Variants in RABL2B observed in about 807,000 individuals in gnomAD.
The protein encoded by RABL2B is RAB, member of RAS oncogene family like 2B, also known as rab-like protein 2B.
Under a neutral mutation model 26.7 loss-of-function variants are expected in RABL2B, and 17 were observed. The ratio of observed to expected loss-of-function variants is 0.64; its 90% CI spans 0.44 to 0.95. The LOEUF is 0.95. RABL2B is among the 40% of genes least tolerant of loss of function. The probability of loss-of-function intolerance (pLI) is 0.00; values close to 1 mark genes in which losing one functional copy is unlikely to be tolerated. For synonymous variants in RABL2B, 70 were observed against 103.9 expected, an observed-to-expected ratio of 0.67 and a Z score of 1.99; for missense variants, 170 against 277.2, an observed-to-expected ratio of 0.61 and a Z score of 2.75.
intron 5 of RABL2B, among the ~76,000 whole-genome samples, chr22:50,773,515 T>C (rs2084502729): frequency 6.6e-6 from 1 of 151,750 alleles, no homozygotes. Context: ...AGACAGTCCA[T>C]GTTGTGGAAG....
chr22:50,783,463 G>A (rs1437012725), intron 1 of RABL2B, 38 bp downstream of exon 1: 1 of 152,098 alleles, frequency 6.6e-6, no homozygotes, highest in Admixed American at 6.5e-5. Flanking sequence ...GGCTGTCCCC[G>A]CGTGCTAAGC....
At chr22:50,771,824 G>A (rs1273223415) in intron 5 of RABL2B, 1 of 151,680 alleles carries the variant, frequency 6.6e-6, no homozygotes, top group African/African-American at 2.4e-5. Flanking sequence ...TAACGAGGCT[G>A]GTCTTGGACT....
At chr22:50,777,166 C>T (rs2085117414) in intron 3 of RABL2B, among the ~76,000 whole-genome samples, 1 of 152,212 alleles carries the variant, frequency 6.6e-6, no homozygotes, top group South Asian at 2.1e-4. Context: ...ACAAGCCATA[C>T]AGCTGACAAG....
Position 50,776,671 on chromosome 22 carries a change from C to G in RABL2B, c.216G>C (p.Val72=), listed in dbSNP as rs2085034242. 6.2e-7 allele frequency: 1 copy of G among 1,607,880 alleles called. No individual in the cohort carries two copies. The highest frequency in any genetic ancestry group is 8.5e-7 in the Non-Finnish European group (1 of 1,177,032). Reference sequence around the variant, plus strand: ...ATGTCTTGGCCCTGTGCCACTTACCCACAAGGATGGTCCTTCCATCTACCG... The same window carrying G: ...ATGTCTTGGCCCTGTGCCACTTACCGACAAGGATGGTCCTTCCATCTACCG... ...TATVDGRTIL[V]DFWDTAGQER... The change falls in exon 4 of 9, where the codon GTG becomes GTC. Residue 72 remains valine (V), a splice_region_variant and synonymous_variant. Coordinates refer to ENST00000691320, the MANE Select transcript of RABL2B (RefSeq NM_001130919.3).
At chr22:50,782,395 C>T in intron 1 of RABL2B, 48 bp from the exon 2 acceptor site, 1 of 1,476,900 alleles carries the variant, frequency 6.8e-7, no homozygotes, top group South Asian at 1.3e-5. Context: ...TAAGTCCCCT[C>T]AACCAAATCT....
At chr22:50,783,170 G>C in intron 1 of RABL2B, 1 of 169,390 alleles carries the variant, frequency 5.9e-6, no homozygotes, top group Admixed American at 6.3e-5. Context: ...GCGCGATCAC[G>C]GCTCACTGCA....
At chr22:50,770,091 A>C in intron 5 of RABL2B, 75 bp from the exon 6 acceptor site, 1 of 1,599,938 alleles carries the variant, frequency 6.3e-7, no homozygotes, top group Non-Finnish European at 8.5e-7. Flanking sequence ...TGACTCACAC[A>C]CCCAAGCAGG....
intron 5 of RABL2B, chr22:50,772,846 G>C: frequency 8.5e-7 from 1 of 1,181,268 alleles, no homozygotes; most frequent in South Asian, 1.7e-5. Flanking sequence ...TGTTTTGAGA[G>C]CTGAGGAGGA....
Position 50,777,697 on chromosome 22 carries a change from T to C in RABL2B, c.137+255A>G, listed in dbSNP as rs1442256900. 4 of 591,070 alleles carry C rather than the reference T, an allele frequency of 6.8e-6. No homozygotes were observed. The Admixed American group carries it at 7.3e-5, about 11-fold the overall frequency. 36.6% of individuals were successfully genotyped at this position (591,070 alleles called of 1,614,324 possible). Reference sequence around the variant, plus strand: ...GAATCCAGGCATTAGATCCAAACCATTTGCTGTTTGCCATTCTACTGCCCT... The same window carrying C: ...GAATCCAGGCATTAGATCCAAACCACTTGCTGTTTGCCATTCTACTGCCCT... On this transcript the variant is annotated intron_variant, in intron 3 of 8. Transcript: ENST00000691320.
rs59252626 is a variant in RABL2B, at chr22:50,779,083, A to G, written c.108-1102T>C. Reference sequence around the variant, plus strand: ...CACTGTCTTGAGAGGGCACATGCTCAGAAAGTGCAGGAGGAAGAGGAGAGA... The same window carrying G: ...CACTGTCTTGAGAGGGCACATGCTCGGAAAGTGCAGGAGGAAGAGGAGAGA... On this transcript the variant is annotated intron_variant, in intron 2 of 8. Transcript: ENST00000691320. Among the ~76,000 whole-genome samples, 718 of 151,322 alleles carry G rather than the reference A, an allele frequency of 4.7e-3. 5 individuals carry two copies. The highest frequency in any genetic ancestry group is 0.017 in the African/African-American group (696 of 41,174).
chr22:50,782,066 C>T, intron 2 of RABL2B, 122 bp downstream of exon 2: 2 of 1,478,542 alleles, frequency 1.4e-6, no homozygotes, highest in South Asian at 2.5e-5. Flanking sequence ...AACATCTGGG[C>T]TCCAGCCAAG....
At chr22:50,778,676 C>T (rs1172255073) in intron 2 of RABL2B, among the ~76,000 whole-genome samples, 2 of 148,330 alleles carry the variant, frequency 1.3e-5, no homozygotes, top group African/African-American at 5.1e-5. Flanking sequence ...CTGGCCATTT[C>T]CTCCTTTTGT....
chr22:50,767,786 C>T lies in RABL2B; in HGVS notation c.*990G>A. 2 of 453,242 alleles carry T rather than the reference C, an allele frequency of 4.4e-6. No individual in the cohort carries two copies. The highest frequency in any genetic ancestry group is 4.4e-6 in the Non-Finnish European group (1 of 226,054). 28.1% of individuals were successfully genotyped at this position (453,242 alleles called of 1,614,324 possible). A position where few individuals can be genotyped will look rare whatever the true frequency, so the allele number is the denominator to read the frequency against. ...TCTTCTTGTAGTCCAAATGGACGTA[C>T]CTTGTGGTATGGCTGTAAGGACTCG... On this transcript the variant is annotated 3_prime_UTR_variant, in exon 9 of 9. Transcript: ENST00000691320.
rs1193571846 is a variant in RABL2B, at chr22:50,781,361, A to C, written c.107+827T>G. ...TCCGTCTCAAAAAAAAAAAAAAAAA[A>C]ACTAAACCAGAGCTGCAGTATGTGA... On this transcript the variant is annotated intron_variant, in intron 2 of 8. Coordinates refer to ENST00000691320, the MANE Select transcript of RABL2B (RefSeq NM_001130919.3). Among the ~76,000 whole-genome samples, 383 of 150,564 alleles carry C rather than the reference A, an allele frequency of 2.5e-3. 3 individuals carry two copies. Among genetic ancestry groups the C allele is most frequent in the African/African-American group, 8.9e-3 (363 of 40,722 alleles).
chr22:50,771,574 G>T (rs1451611135), intron 5 of RABL2B: 1 of 151,956 alleles, frequency 6.6e-6, no homozygotes, highest in Admixed American at 6.6e-5. Context: ...ACTGCACCTG[G>T]CTGATTTACT....
rs781978579 is a variant in RABL2B, at chr22:50,775,809, T to C, written c.260A>G (p.His87Arg). Residue 87 changes from histidine to arginine, a missense_variant, in exon 5 of 9, where the codon CAT becomes CGT. His to Arg is a conservative substitution (Grantham distance 29). Around this residue, in one of 2 missense-constraint regions of RABL2B, gnomAD observed 165 missense variants for 232.0 expected, o/e 0.71. Transcript: ENST00000691320. Reference sequence around the variant, plus strand: ...GTGGGCCTTGTGGTAGTAGGAGGCATGCATGCTCTGGAACCGCTCCTGGCC... The same window carrying C: ...GTGGGCCTTGTGGTAGTAGGAGGCACGCATGCTCTGGAACCGCTCCTGGCC... Reference protein sequence around the residue: ...TAGQERFQSMHASYYHKAHAC... With the variant: ...TAGQERFQSMRASYYHKAHAC... 2.5e-6 allele frequency: 4 copies of C among 1,614,074 alleles called. No homozygotes were observed. The African/African-American group carries it at 4.0e-5, about 16-fold the overall frequency.
chr22:50,775,897 T>C, intron 4 of RABL2B, 46 bp from the exon 5 acceptor site: 1 of 1,613,944 alleles, frequency 6.2e-7, no homozygotes, highest in Non-Finnish European at 8.5e-7. Flanking sequence ...TGCACTTCTG[T>C]GCAAGTCACT....
chr22:50,779,075 A>G (rs1327774499), intron 2 of RABL2B, among the ~76,000 whole-genome samples: 16 of 151,258 alleles, frequency 1.1e-4, no homozygotes, highest in Non-Finnish European at 2.1e-4. Flanking sequence ...TTGAGAGGGC[A>G]CATGCTCAGA....
chr22:50,774,375 A>G, intron 5 of RABL2B, among the ~76,000 whole-genome samples: 1 of 151,210 alleles, frequency 6.6e-6, no homozygotes, highest in East Asian at 1.9e-4. Context: ...TATAAGTCCC[A>G]CCGGGTTCTC....
Sources: gnomAD v4.1 joint callset for allele counts (sites outside exome capture counted in the v4.1 genomes callset) on GRCh38, gnomAD v4.1.1 for gene constraint, gnomAD v4.1.1 regional missense constraint, MANE v1.5 for transcripts, NCBI Gene and HGNC (gene_info 2026-07-23, HGNC 2026-07-21) for gene names.